Variants in ASF1A observed in about 807,000 individuals in gnomAD.
ASF1A encodes the protein histone chaperone ASF1A.
In ASF1A, 5 loss-of-function variants were observed where a neutral mutation model predicts 22.0. The observed-to-expected ratio is 0.23, with a 90% CI of 0.12 to 0.48. The LOEUF (loss-of-function observed/expected upper bound fraction) is 0.48. ASF1A is among the 20% of genes least tolerant of loss of function. The pLI, the probability that ASF1A is intolerant of heterozygous loss-of-function variation, is 0.99. For synonymous variants in ASF1A, 97 were observed against 86.7 expected, an observed-to-expected ratio of 1.12 and a Z score of -0.66; for missense variants, 137 against 240.6, an observed-to-expected ratio of 0.57 and a Z score of 2.85.
chr6:118,897,105 T>G (rs1779475208), intron 1 of ASF1A, among the ~76,000 whole-genome samples: 1 of 152,152 alleles, frequency 6.6e-6, no homozygotes, highest in African/African-American at 2.4e-5. Context: ...TCCCATAGTG[T>G]TGTGATTATA....
chr6:118,905,417 T>C (rs1780113781), intron 2 of ASF1A, among the ~76,000 whole-genome samples: 2 of 152,216 alleles, frequency 1.3e-5, no homozygotes, highest in South Asian at 2.1e-4. Flanking sequence ...CTTTTACAAG[T>C]GTAGTCATGC....
intron 1 of ASF1A, among the ~76,000 whole-genome samples, chr6:118,895,955 A>T (rs1227548020): frequency 1.3e-5 from 2 of 152,036 alleles, no homozygotes; most frequent in African/African-American, 4.8e-5. Context: ...TTGTACAGGC[A>T]TATATAAAGT....
At chr6:118,903,326 G>T (rs1779934157) in intron 2 of ASF1A, among the ~76,000 whole-genome samples, 1 of 152,096 alleles carries the variant, frequency 6.6e-6, no homozygotes, top group South Asian at 2.1e-4. Flanking sequence ...ATATTCTCCA[G>T]GACAAGGCTG....
chr6:118,895,014 G>A (rs1779275039), intron 1 of ASF1A, among the ~76,000 whole-genome samples: 1 of 152,142 alleles, frequency 6.6e-6, no homozygotes, highest in Non-Finnish European at 1.5e-5. Context: ...CTCTTGCCCC[G>A]CCGCCCGCCT....
chr6:118,903,544 C>T (rs1179031567), intron 2 of ASF1A, among the ~76,000 whole-genome samples: 3 of 151,814 alleles, frequency 2.0e-5, no homozygotes, highest in Non-Finnish European at 4.4e-5. Flanking sequence ...ACAGGGCATA[C>T]GTTCTTAGAT....
At chr6:118,899,091 CTG>C (rs943734655) in intron 1 of ASF1A, among the ~76,000 whole-genome samples, 1 of 152,188 alleles carries the variant, frequency 6.6e-6, no homozygotes, top group Non-Finnish European at 1.5e-5. Context: ...CAGAATATAA[CTG>C]TTGCACAGCC....
intron 1 of ASF1A, among the ~76,000 whole-genome samples, chr6:118,895,652 A>G (rs1779345960): frequency 6.6e-6 from 1 of 152,014 alleles, no homozygotes; most frequent in South Asian, 2.1e-4. Context: ...TTAGTAATAA[A>G]TATTTAGAAA....
rs978092955 is a variant in ASF1A, at chr6:118,900,032, T to C, written c.110-734T>C. Among the ~76,000 whole-genome samples, 7 of 152,350 alleles carry C rather than the reference T, an allele frequency of 4.6e-5. No homozygotes were observed. In the East Asian group the frequency reaches 7.7e-4, roughly 17 times the overall value. ...AACATGCTCAGTAAAATCCGCTATA[T>C]TGAATTACATATAACGCCTTGAATT... On this transcript the variant is annotated intron_variant, in intron 1 of 3. Coordinates refer to ENST00000229595, the MANE Select transcript of ASF1A (RefSeq NM_014034.3).
chr6:118,894,851 T>A (rs1047527027), intron 1 of ASF1A, among the ~76,000 whole-genome samples: 13 of 152,114 alleles, frequency 8.5e-5, no homozygotes, highest in Admixed American at 5.2e-4. Flanking sequence ...CCGGGCTGGC[T>A]CCGCGCCGCC....
intron 2 of ASF1A, among the ~76,000 whole-genome samples, chr6:118,903,528 T>G (rs1362653299): frequency 6.6e-6 from 1 of 151,950 alleles, no homozygotes; most frequent in African/African-American, 2.4e-5. Flanking sequence ...TAAACATGTT[T>G]AGATCACAGG....
At chr6:118,895,764 G>T (rs1779353378) in intron 1 of ASF1A, among the ~76,000 whole-genome samples, 1 of 152,076 alleles carries the variant, frequency 6.6e-6, no homozygotes, top group African/African-American at 2.4e-5. Flanking sequence ...TCATCGATGA[G>T]GGACATACTT....
Position 118,894,533 on chromosome 6 carries a change from C to T in ASF1A, c.109+11C>T, listed in dbSNP as rs777431482. The T allele has an allele frequency of 6.5e-7, 1 of 1,531,054 alleles. No homozygotes were observed. The highest frequency in any genetic ancestry group is 1.2e-5 in the South Asian group (1 of 83,916). The allele number at this position is 1,531,054 out of a possible 1,614,324, so 94.8% of individuals were successfully genotyped here. On this transcript the variant is annotated intron_variant, in intron 1 of 3. Transcript: ENST00000229595. ...AGGACCTGTCTGAAGGTGAGTGCGG[C>T]GCCCGTGCGCCCGGGCTGTCAGTTG... is the stretch of plus-strand genomic sequence containing the variant.
chr6:118,907,496 G>T lies in ASF1A; in HGVS notation c.497G>T (p.Ser166Ile). 1.9e-6 allele frequency: 3 copies of T among 1,613,600 alleles called. No individual in the cohort carries two copies. The highest frequency in any genetic ancestry group is 2.5e-6 in the Non-Finnish European group (3 of 1,179,668). The change falls in exon 4 of 4, where the codon AGT (serine) becomes ATT (isoleucine). Residue 166 changes from serine (S) to isoleucine (I), a missense_variant. Ser to Ile is a moderately radical substitution (Grantham distance 142). Transcript: ENST00000229595. ...GAAAAACTGGAAGATGCAGAGAGCAGTAATCCAAATCTACAGTCACTTCTT... is the reference window on the plus strand; with the variant it reads ...GAAAAACTGGAAGATGCAGAGAGCATTAATCCAAATCTACAGTCACTTCTT... ...NTEKLEDAES[S>I]NPNLQSLLST...
At chr6:118,895,080 C>T (rs528101351) in intron 1 of ASF1A, among the ~76,000 whole-genome samples, 1 of 152,214 alleles carries the variant, frequency 6.6e-6, no homozygotes, top group East Asian at 1.9e-4. Flanking sequence ...AGTCGCCGCA[C>T]TCTCCGGGCT....
At chr6:118,902,507 G>A (rs78571872) in intron 2 of ASF1A, among the ~76,000 whole-genome samples, 1 of 149,864 alleles carries the variant, frequency 6.7e-6, no homozygotes, top group Non-Finnish European at 1.5e-5. Flanking sequence ...AAGAAACCTG[G>A]GTTGACAGGT....
Position 118,894,532 on chromosome 6 carries a change from GC to G in ASF1A, c.109+11del, listed in dbSNP as rs1295130469. The G allele has an allele frequency of 1.3e-6, 2 of 1,531,540 alleles. No individual in the cohort carries two copies. The highest frequency in any genetic ancestry group is 2.0e-5 in the Admixed American group (1 of 50,976). The allele number at this position is 1,531,540 out of a possible 1,614,324, so 94.9% of individuals were successfully genotyped here. On this transcript the variant is annotated intron_variant, in intron 1 of 3. Transcript: ENST00000229595. ...GAGGACCTGTCTGAAGGTGAGTGCG[GC>G]GCCCGTGCGCCCGGGCTGTCAGTTG...
Position 118,894,407 on chromosome 6 carries a change from T to C in ASF1A, c.-7T>C, listed in dbSNP as rs1583572288. The C allele has an allele frequency of 6.5e-7, 1 of 1,536,910 alleles. No individual in the cohort carries two copies. Among genetic ancestry groups the C allele is most frequent in the South Asian group, 1.2e-5 (1 of 84,026 alleles). On this transcript the variant is annotated 5_prime_UTR_variant, in exon 1 of 4. Coordinates refer to ENST00000229595, the MANE Select transcript of ASF1A (RefSeq NM_014034.3). Reference sequence around the variant, plus strand: ...CCAGTTCCCATTGTTTGTGTTTTTTTCAAAATATGGCAAAGGTTCAGGTGA... The same window carrying C: ...CCAGTTCCCATTGTTTGTGTTTTTTCCAAAATATGGCAAAGGTTCAGGTGA...
chr6:118,895,751 A>C (rs1779352554), intron 1 of ASF1A, among the ~76,000 whole-genome samples: 1 of 152,184 alleles, frequency 6.6e-6, no homozygotes, highest in Admixed American at 6.5e-5. Flanking sequence ...AAATAGTTTA[A>C]CTTCATCGAT....
intron 1 of ASF1A, among the ~76,000 whole-genome samples, chr6:118,896,282 C>G (rs1038539299): frequency 6.6e-6 from 1 of 152,002 alleles, no homozygotes; most frequent in Non-Finnish European, 1.5e-5. Flanking sequence ...TTATTGCCAA[C>G]TGCATATAAA....
Sources: gnomAD v4.1 joint callset for allele counts (sites outside exome capture counted in the v4.1 genomes callset) on GRCh38, gnomAD v4.1.1 for gene constraint, MANE v1.5 for transcripts, NCBI Gene and HGNC (gene_info 2026-07-23, HGNC 2026-07-21) for gene names.